Variants in RAPGEF4 observed in about 807,000 individuals in gnomAD.
The protein encoded by RAPGEF4 is Rap guanine nucleotide exchange factor 4, also known as RAP guanine-nucleotide-exchange factor (GEF) 4.
RAPGEF4 carries 66 observed loss-of-function variants against 147.9 expected under a neutral mutation model. The observed-to-expected ratio is 0.45, with a 90% confidence interval of 0.37 to 0.55. The LOEUF (loss-of-function observed/expected upper bound fraction) is 0.55, where lower values mean the gene tolerates loss of function less well. RAPGEF4 is among the 20% of genes least tolerant of loss of function. The probability of loss-of-function intolerance (pLI) is 0.00; values close to 1 mark genes in which losing one functional copy is unlikely to be tolerated. For missense variants in RAPGEF4, 1,071 were observed against 1,257.3 expected (o/e 0.85, Z 2.24); for synonymous variants, 419 against 442.7 (o/e 0.95, Z 0.67).
chr2:173,001,314 A>G lies in RAPGEF4; in HGVS notation c.1628A>G (p.Asn543Ser), dbSNP rs185499414. 1 of 1,614,010 alleles carries G rather than the reference A, an allele frequency of 6.2e-7. No individual in the cohort carries two copies. Among genetic ancestry groups the G allele is most frequent in the Non-Finnish European group, 8.5e-7 (1 of 1,179,952 alleles). ...FIMMHCVFMP[N>S]TQLCPALVAH... ...ATGATGCACTGTGTTTTTATGCCAA[A>G]TACCCAGCTTTGCCCGGCACTGGTG... The change falls in exon 17 of 31, where the codon AAT becomes AGT. Residue 543 changes from asparagine to serine, a missense_variant. Transcript: ENST00000397081.
At chr2:172,765,152 T>C (rs1038020192) in intron 1 of RAPGEF4, among the ~76,000 whole-genome samples, 1 of 152,224 alleles carries the variant, frequency 6.6e-6, no homozygotes, top group Non-Finnish European at 1.5e-5. Flanking sequence ...GCCTCCATCA[T>C]AACATGGTTG....
chr2:172,766,525 A>G (rs1696860929), intron 1 of RAPGEF4, among the ~76,000 whole-genome samples: 1 of 151,918 alleles, frequency 6.6e-6, no homozygotes, highest in South Asian at 2.1e-4. Flanking sequence ...TGGGTGATGG[A>G]GTGAGACTCT....
upstream of RAPGEF4, chr2:172,735,802 C>T (rs1193594219): frequency 6.8e-6 from 2 of 294,328 alleles, no homozygotes; most frequent in South Asian, 1.5e-4. Flanking sequence ...GGGTCCCCTC[C>T]CTCTCCCCAC....
At chr2:172,945,187 C>T (rs1687568938) in intron 6 of RAPGEF4, among the ~76,000 whole-genome samples, 1 of 152,094 alleles carries the variant, frequency 6.6e-6, no homozygotes, top group African/African-American at 2.4e-5. Flanking sequence ...TTTAGGGAAC[C>T]TGGTTTATGA....
At chr2:173,044,502 A>G (rs1685190445) in intron 29 of RAPGEF4, among the ~76,000 whole-genome samples, 1 of 152,208 alleles carries the variant, frequency 6.6e-6, no homozygotes, top group South Asian at 2.1e-4. Flanking sequence ...ATAGTCACAG[A>G]GTTCTTCACT....
In RAPGEF4 at chr2:173,005,520, GTT is replaced by G. The variant is rs573596077; in HGVS notation, c.1658+4196_1658+4197del. Among the ~76,000 whole-genome samples the G allele has an allele frequency of 4.5e-3, 390 of 86,692 alleles. 1 individual carries two copies. The highest frequency in any genetic ancestry group is 5.7e-3 in the Admixed American group (35 of 6,156). 56.9% of individuals were successfully genotyped at this position (86,692 alleles called of 152,430 possible). A position where few individuals can be genotyped will look rare whatever the true frequency, so the allele number is the denominator to read the frequency against. The stretch of plus-strand genomic sequence containing the variant: ...TTTGTTGTTGTTGTTGTTGTTTTGT[GTT>G]TTTTTTTTTTTTTTTTTTTGAGACA... On this transcript the variant is annotated intron_variant, in intron 17 of 30. Coordinates refer to ENST00000397081, the MANE Select transcript of RAPGEF4 (RefSeq NM_007023.4).
chr2:172,880,809 C>T (rs1696537979), intron 4 of RAPGEF4, among the ~76,000 whole-genome samples: 1 of 152,106 alleles, frequency 6.6e-6, no homozygotes, highest in African/African-American at 2.4e-5. Flanking sequence ...AGGCTGGTTG[C>T]TAGGATTCAA....
At chr2:172,839,680 T>G (rs755503290) in intron 4 of RAPGEF4, among the ~76,000 whole-genome samples, 15 of 151,428 alleles carry the variant, frequency 9.9e-5, no homozygotes, top group Non-Finnish European at 1.6e-4. Context: ...CCCGGTAGGT[T>G]TCAGCCTCCT....
chr2:172,995,064 C>A (rs977398498), intron 15 of RAPGEF4, among the ~76,000 whole-genome samples: 2 of 152,120 alleles, frequency 1.3e-5, no homozygotes, highest in African/African-American at 4.8e-5. Context: ...GTTAAAATGT[C>A]TGCACATCAC....
intron 14 of RAPGEF4, 38 bp downstream of exon 14, chr2:172,988,877 T>C: frequency 6.3e-7 from 1 of 1,593,280 alleles, no homozygotes; most frequent in Non-Finnish European, 8.6e-7. Flanking sequence ...AGACAGCCCA[T>C]TTTTTTCTTT....
At chr2:172,765,172 C>T (rs1428850344) in intron 1 of RAPGEF4, among the ~76,000 whole-genome samples, 9 of 152,288 alleles carry the variant, frequency 5.9e-5, no homozygotes, top group South Asian at 4.1e-4. Flanking sequence ...GTCTTGCCTC[C>T]GTGTCTGTTT....
At chr2:173,037,170 A>T (rs1684135807) in intron 29 of RAPGEF4, among the ~76,000 whole-genome samples, 1 of 152,276 alleles carries the variant, frequency 6.6e-6, no homozygotes, top group African/African-American at 2.4e-5. Context: ...GAGAAGGAAC[A>T]TGAAAACCTT....
chr2:172,827,554 G>C (rs1422772548), intron 4 of RAPGEF4, among the ~76,000 whole-genome samples: 1 of 151,930 alleles, frequency 6.6e-6, no homozygotes, highest in African/African-American at 2.4e-5. Flanking sequence ...TCAAGCCTCA[G>C]CAGCATAAGT....
intron 5 of RAPGEF4, among the ~76,000 whole-genome samples, chr2:172,919,053 C>A (rs139484946): frequency 6.6e-6 from 1 of 152,142 alleles, no homozygotes; most frequent in Non-Finnish European, 1.5e-5. Context: ...GTGGGAGGGA[C>A]AGGTTCATCC....
intron 4 of RAPGEF4, among the ~76,000 whole-genome samples, chr2:172,916,289 T>C (rs963596842): frequency 6.6e-6 from 1 of 152,200 alleles, no homozygotes. Flanking sequence ...CAAAGTGAAA[T>C]GGCCCCTTCA....
chr2:172,856,060 G>C (rs1693384581), intron 4 of RAPGEF4, among the ~76,000 whole-genome samples: 1 of 151,838 alleles, frequency 6.6e-6, no homozygotes, highest in Admixed American at 6.6e-5. Flanking sequence ...TATTTTTTCT[G>C]TCTATTCTCT....
At chr2:172,996,575 G>A (rs1415468083) in intron 16 of RAPGEF4, 21 bp downstream of exon 16, 5 of 1,464,066 alleles carry the variant, frequency 3.4e-6, no homozygotes, top group Non-Finnish European at 4.7e-6. Flanking sequence ...AGAACCGTTT[G>A]CATGTCCATT....
chr2:172,803,866 G>A (rs1687215182), intron 3 of RAPGEF4, among the ~76,000 whole-genome samples: 1 of 152,176 alleles, frequency 6.6e-6, no homozygotes, highest in African/African-American at 2.4e-5. Context: ...AATCTCTAGG[G>A]TAGGGATAAA....
At chr2:172,740,957 G>C (rs1694243930) in intron 1 of RAPGEF4, among the ~76,000 whole-genome samples, 1 of 152,214 alleles carries the variant, frequency 6.6e-6, no homozygotes, top group African/African-American at 2.4e-5. Flanking sequence ...CTTCCTCTAA[G>C]TAAGCCATAT....
Sources: allele counts gnomAD v4.1 joint callset (sites outside exome capture counted in the v4.1 genomes callset), GRCh38; gene constraint gnomAD v4.1.1; transcripts MANE v1.5; gene names NCBI Gene and HGNC (gene_info 2026-07-23, HGNC 2026-07-21).